Variants in FRMD4B observed in about 807,000 individuals in gnomAD.
FRMD4B encodes FERM domain-containing protein 4B.
FRMD4B carries 74 observed loss-of-function variants against 141.5 expected under a neutral mutation model. The ratio of observed to expected loss-of-function variants is 0.52; its 90% confidence interval spans 0.43 to 0.63. The LOEUF (loss-of-function observed/expected upper bound fraction) is 0.63, where lower values mean the gene tolerates loss of function less well. Among genes scored for constraint, FRMD4B ranks in the 30% least tolerant of loss-of-function variants. The pLI is 0.00. For missense variants in FRMD4B, 1,366 were observed against 1,253.4 expected (o/e 1.09, Z -1.36); for synonymous variants, 506 against 467.9 (o/e 1.08, Z -1.05).
chr3:69,518,912 G>A (rs1258574250), intron 1 of FRMD4B, among the ~76,000 whole-genome samples: 1 of 152,176 alleles, frequency 6.6e-6, no homozygotes, highest in African/African-American at 2.4e-5. Context: ...TCTTCTGGGG[G>A]CAGTGGTTCT....
intron 7 of FRMD4B, among the ~76,000 whole-genome samples, chr3:69,224,900 ATG>A (rs1346491319): frequency 9.3e-5 from 2 of 21,502 alleles, no homozygotes; most frequent in Non-Finnish European, 2.4e-4. Flanking sequence ...TTTTCTGCAC[ATG>A]TCTATTTTAC....
At chr3:69,348,763 C>G (rs567056608) in intron 1 of FRMD4B, among the ~76,000 whole-genome samples, 4 of 152,076 alleles carry the variant, frequency 2.6e-5, no homozygotes, top group Admixed American at 6.6e-5. Context: ...ATGCAGAAAA[C>G]GCCTTTGACA....
At chr3:69,232,244 C>T (rs533959550) in intron 7 of FRMD4B, among the ~76,000 whole-genome samples, 7 of 152,062 alleles carry the variant, frequency 4.6e-5, no homozygotes, top group African/African-American at 1.5e-4. Context: ...CTGGTTTCTC[C>T]GGGTCCTAGC....
At chr3:69,345,650 CA>C (rs2107402015) in intron 1 of FRMD4B, among the ~76,000 whole-genome samples, 1 of 152,326 alleles carries the variant, frequency 6.6e-6, no homozygotes, top group African/African-American at 2.4e-5. Flanking sequence ...AAGAAACGAT[CA>C]GGCAGCAACA....
intron 1 of FRMD4B, among the ~76,000 whole-genome samples, chr3:69,515,828 C>T (rs910137857): frequency 2.0e-5 from 3 of 152,260 alleles, no homozygotes; most frequent in Admixed American, 2.0e-4. Flanking sequence ...AAATTAGAAG[C>T]AATGCTGGTT....
At chr3:69,523,671 G>A (rs1559553058) in intron 1 of FRMD4B, among the ~76,000 whole-genome samples, 1 of 152,134 alleles carries the variant, frequency 6.6e-6, no homozygotes, top group Non-Finnish European at 1.5e-5. Context: ...GAGAGGATGG[G>A]AAATGTGGTT....
At chr3:69,465,072 G>A (rs1705761577) in intron 1 of FRMD4B, among the ~76,000 whole-genome samples, 1 of 152,268 alleles carries the variant, frequency 6.6e-6, no homozygotes, top group African/African-American at 2.4e-5. Context: ...TGTAATCCCA[G>A]CACTTTGGGA....
At chr3:69,224,837 A>T (rs2093234865) in intron 7 of FRMD4B, 147 bp from the exon 8 acceptor site, 1 of 580,888 alleles carries the variant, frequency 1.7e-6, no homozygotes, top group South Asian at 2.4e-5. Flanking sequence ...AACTAGAAGC[A>T]GCCCCCAAAT....
intron 5 of FRMD4B, among the ~76,000 whole-genome samples, chr3:69,262,186 T>G (rs1436821666): frequency 6.6e-6 from 1 of 152,064 alleles, no homozygotes; most frequent in Non-Finnish European, 1.5e-5. Context: ...AGGCTAGTCT[T>G]GAACTCCTGG....
intron 5 of FRMD4B, among the ~76,000 whole-genome samples, chr3:69,272,040 G>T (rs918851302): frequency 6.6e-6 from 1 of 151,956 alleles, no homozygotes; most frequent in Non-Finnish European, 1.5e-5. Context: ...TTGTGGACTG[G>T]CTAGTCTTCA....
intron 1 of FRMD4B, among the ~76,000 whole-genome samples, chr3:69,362,208 G>A (rs1452659102): frequency 6.6e-6 from 1 of 152,096 alleles, no homozygotes; most frequent in East Asian, 1.9e-4. Flanking sequence ...CAATAACTTT[G>A]AGGTCGGGAC....
At chr3:69,430,262 G>T (rs1462340047) in intron 2 of FRMD4B, among the ~76,000 whole-genome samples, 1 of 152,078 alleles carries the variant, frequency 6.6e-6, no homozygotes, top group Admixed American at 6.6e-5. Context: ...TTGAATCCCA[G>T]CCACCTCCCC....
intron 5 of FRMD4B, among the ~76,000 whole-genome samples, chr3:69,283,429 CAAAAAA>C (rs59444542): frequency 4.3e-5 from 6 of 139,458 alleles, no homozygotes; most frequent in Non-Finnish European, 6.1e-5. Flanking sequence ...GCAACAACAA[CAAAAAA>C]AAAAAAAAAA....
chr3:69,365,015 A>G (rs1318918793), intron 1 of FRMD4B, among the ~76,000 whole-genome samples: 4 of 152,258 alleles, frequency 2.6e-5, no homozygotes, highest in African/African-American at 9.6e-5. Context: ...CGAATAGTAT[A>G]GTGATTATAA....
chr3:69,386,912 A>C (rs1356640461), upstream of FRMD4B, among the ~76,000 whole-genome samples: 2 of 152,172 alleles, frequency 1.3e-5, no homozygotes, highest in Non-Finnish European at 2.9e-5. Context: ...TAGTTCTGGA[A>C]AATTCAGCCT....
intron 1 of FRMD4B, among the ~76,000 whole-genome samples, chr3:69,540,656 TATATACACAC>T (rs1245817856): frequency 4.0e-5 from 3 of 75,564 alleles, no homozygotes; most frequent in African/African-American, 7.2e-5. Context: ...TATATATATA[TATATACACAC>T]ACACACACAC....
intron 6 of FRMD4B, 40 bp downstream of exon 6, chr3:69,250,003 A>G (rs1368452352): frequency 7.3e-7 from 1 of 1,375,130 alleles, no homozygotes; most frequent in East Asian, 2.3e-5. Context: ...AAACGAACAA[A>G]CACAAGGGAG....
intron 1 of FRMD4B, among the ~76,000 whole-genome samples, chr3:69,361,414 T>C (rs1045638939): frequency 6.6e-6 from 1 of 152,194 alleles, no homozygotes; most frequent in Non-Finnish European, 1.5e-5. Context: ...AAATGATGCA[T>C]AATAAAAATA....
intron 6 of FRMD4B, 128 bp from the exon 7 acceptor site, chr3:69,249,376 C>A (rs1278238105): frequency 1.4e-5 from 9 of 636,048 alleles, no homozygotes; most frequent in South Asian, 1.9e-5. Context: ...CTCAGGAATG[C>A]TCTCCCTATA....
Sources: gnomAD v4.1 joint callset for allele counts (sites outside exome capture counted in the v4.1 genomes callset) on GRCh38, gnomAD v4.1.1 for gene constraint, MANE v1.5 for transcripts, NCBI Gene and HGNC (gene_info 2026-07-23, HGNC 2026-07-21) for gene names.